Variants in FAM221B observed in about 807,000 individuals in gnomAD.
FAM221B encodes protein FAM221B.
In FAM221B, 35 loss-of-function variants were observed where a neutral mutation model predicts 39.8. The observed-to-expected ratio is 0.88, with a 90% CI of 0.67 to 1.17. The LOEUF (loss-of-function observed/expected upper bound fraction) is 1.17. FAM221B is among the 50% of genes most tolerant of loss of function. The probability of loss-of-function intolerance (pLI) is 0.00; values close to 1 mark genes in which losing one functional copy is unlikely to be tolerated. For missense variants in FAM221B, 479 were observed against 503.1 expected, an observed-to-expected ratio of 0.95 and a Z score of 0.46; for synonymous variants, 158 against 178.1, an observed-to-expected ratio of 0.89 and a Z score of 0.90.
chr9:35,822,490 C>T (rs1348760448), intron 3 of FAM221B, among the ~76,000 whole-genome samples: 2 of 152,180 alleles, frequency 1.3e-5, no homozygotes, highest in Non-Finnish European at 2.9e-5. Context: ...TCACTGCAAC[C>T]TCCACCTCCT....
Position 35,826,062 on chromosome 9 carries a change from G to C in FAM221B, c.100C>G (p.His34Asp). ...GGCTTCAAGAAGCTTTCAGAGATAT[G>C]GTTCTCCTGTAAGTCCTCAGCAGAG... ...DPSAEDLQEN[H>D]ISESFLKPST... Residue 34 changes from histidine to aspartate, a missense_variant, in exon 2 of 7, where the codon CAT (histidine) becomes GAT (aspartate). Transcript: ENST00000423537. The C allele has an allele frequency of 6.2e-7, 1 of 1,614,080 alleles. No individual in the cohort carries two copies.
At chr9:35,827,426 C>T (rs574737543) in intron 1 of FAM221B, among the ~76,000 whole-genome samples, 40 of 152,272 alleles carry the variant, frequency 2.6e-4, no homozygotes, top group African/African-American at 9.1e-4. Context: ...TTTACTGACC[C>T]GCTGTGCTAA....
rs1829053501 is a variant in FAM221B at position 35,817,979 on chromosome 9, T to C, written c.*490A>G. Reference sequence around the variant, plus strand: ...TTAGTCTACTGGCCTCTTCCCCTTTTCCTTCCTACAAAAGTACTTCCTTGA... The same window carrying C: ...TTAGTCTACTGGCCTCTTCCCCTTTCCCTTCCTACAAAAGTACTTCCTTGA... On this transcript the variant is annotated 3_prime_UTR_variant, in exon 7 of 7. Coordinates refer to ENST00000423537, the MANE Select transcript of FAM221B (RefSeq NM_001012446.4). 2 of 160,794 alleles carry C rather than the reference T, an allele frequency of 1.2e-5. No homozygotes were observed. The highest frequency in any genetic ancestry group is 4.8e-5 in the African/African-American group (2 of 41,500). The allele number at this position is 160,794 out of a possible 1,614,324, so 10.0% of individuals were successfully genotyped here.
chr9:35,819,482 A>G (rs1829095018), intron 4 of FAM221B, 88 bp from the exon 5 acceptor site: 1 of 1,172,208 alleles, frequency 8.5e-7, no homozygotes, highest in Admixed American at 2.7e-5. Flanking sequence ...ACCACCCCCT[A>G]TGCACGCAGA....
chr9:35,822,202 C>A (rs1829165774), intron 3 of FAM221B, among the ~76,000 whole-genome samples: 1 of 152,144 alleles, frequency 6.6e-6, no homozygotes, highest in Non-Finnish European at 1.5e-5. Context: ...TGGCTCTCAT[C>A]CTTTGTCCTC....
In FAM221B at chr9:35,825,552, T is replaced by C. The variant is rs773159548; in HGVS notation, c.598+12A>G. On this transcript the variant is annotated intron_variant, in intron 2 of 6. Transcript: ENST00000423537. This position sits in a 1 kb window ranked among gnomAD's most constrained non-coding sequence, Gnocchi z 4.2. ...CAATTACAGCTAACTCCTTTCTTCTTCTTCTTCTTGCCTAGTTGGTGTCCA... is the reference window on the plus strand; with the variant it reads ...CAATTACAGCTAACTCCTTTCTTCTCCTTCTTCTTGCCTAGTTGGTGTCCA... 7.5e-6 allele frequency: 12 copies of C among 1,603,540 alleles called. No homozygotes were observed. The highest frequency in any genetic ancestry group is 1.3e-5 in the African/African-American group (1 of 74,580).
intron 1 of FAM221B, 112 bp from the exon 2 acceptor site, chr9:35,826,273 G>T: frequency 1.3e-6 from 1 of 787,210 alleles, no homozygotes; most frequent in Non-Finnish European, 2.1e-6. Context: ...GGATATCAGT[G>T]CAGCTGAGAT....
At chr9:35,819,497 CT>C (rs879514713) in intron 4 of FAM221B, 103 bp from the exon 5 acceptor site, 159,551 of 774,924 alleles carry the variant, frequency 0.21, 1 homozygote, top group South Asian at 0.29. Context: ...CGCAGACATG[CT>C]TTTTTTTTTT....
In FAM221B at chr9:35,825,419, TAA is replaced by T. The variant is rs1829315613; in HGVS notation, c.599-48_599-47del. On this transcript the variant is annotated intron_variant, in intron 2 of 6. Transcript: ENST00000423537. This position sits in a 1 kb window ranked among gnomAD's most constrained non-coding sequence, Gnocchi z 4.2. ...TAACCAGGGGGAAGTGAGAAGGCCC[TAA>T]AACTAAGAGAAGGGGCCATGTCCAA... 1.9e-6 allele frequency: 3 copies of T among 1,611,314 alleles called. No homozygotes were observed. The highest frequency in any genetic ancestry group is 2.5e-6 in the Non-Finnish European group (3 of 1,179,062).
chr9:35,825,336 T>TA lies in FAM221B; in HGVS notation c.635_636insT (p.Glu213ArgfsTer7). On this transcript the variant is annotated frameshift_variant, in exon 3 of 7. Transcript: ENST00000423537. LOFTEE classifies it high-confidence loss of function. This position sits in a 1 kb window ranked among gnomAD's most constrained non-coding sequence, Gnocchi z 4.2. ...TTGCCTTAGCCACTTCCACCAGCTC[T>TA]GTCTGCCTAGCAGGGAACACTGGGC... 1 of 1,614,168 alleles carries TA rather than the reference T, an allele frequency of 6.2e-7. No homozygotes were observed. The highest frequency in any genetic ancestry group is 8.5e-7 in the Non-Finnish European group (1 of 1,179,970).
In FAM221B at chr9:35,818,934, A is replaced by G; in HGVS notation, c.1127T>C (p.Phe376Ser). The change falls in exon 6 of 7, where the codon TTC becomes TCC. Residue 376 changes from phenylalanine (F) to serine (S), a missense_variant. Physicochemically the swap from Phe to Ser is radical, Grantham distance 155 (BLOSUM62 -2). Transcript: ENST00000423537. ...CDRRWEEHETFFDTQKTRQRG... is the reference protein window; with the variant it reads ...CDRRWEEHETSFDTQKTRQRG... ...TTGCCGGGTCTTCTGGGTGTCAAAG[A>G]AAGTCTCGTGTTCCTCCCAGCGCCG... is the stretch of plus-strand genomic sequence containing the variant. 1 of 1,551,920 alleles carries G rather than the reference A, an allele frequency of 6.4e-7. No homozygotes were observed.
intron 3 of FAM221B, among the ~76,000 whole-genome samples, chr9:35,820,925 C>G (rs919331083): frequency 6.6e-6 from 1 of 152,190 alleles, no homozygotes; most frequent in Non-Finnish European, 1.5e-5. Context: ...TTTTCTCATT[C>G]TCCATGAGAA....
At chr9:35,824,160 C>A (rs1369932693) in intron 3 of FAM221B, among the ~76,000 whole-genome samples, 6 of 152,052 alleles carry the variant, frequency 3.9e-5, no homozygotes, top group Admixed American at 3.9e-4. Context: ...TAGCTCTATT[C>A]CCATCATAAA....
chr9:35,823,657 A>G (rs1588092609), intron 3 of FAM221B, among the ~76,000 whole-genome samples: 1 of 152,150 alleles, frequency 6.6e-6, no homozygotes, highest in Non-Finnish European at 1.5e-5. Flanking sequence ...GTAGGGGAAT[A>G]AGAGGACTGA....
chr9:35,822,742 C>T (rs184843414), intron 3 of FAM221B, among the ~76,000 whole-genome samples: 2 of 152,264 alleles, frequency 1.3e-5, no homozygotes, highest in East Asian at 3.9e-4. Flanking sequence ...CTTCTCTCCA[C>T]CTAAGCCCAT....
chr9:35,825,297 C>G lies in FAM221B; in HGVS notation c.675G>C (p.Glu225Asp), dbSNP rs781765144. Reference sequence around the variant, plus strand: ...AAAGATTGTTCACTTGAGCACCAAACTCCTCTCTATGCATTGCCTTAGCCA... The same window carrying G: ...AAAGATTGTTCACTTGAGCACCAAAGTCCTCTCTATGCATTGCCTTAGCCA... ...VEVAKAMHRE[E>D]FGAQVNNLFQ... Residue 225 changes from glutamate (E) to aspartate (D), a missense_variant, in exon 3 of 7, where the codon GAG becomes GAC. By Grantham distance (45) the Glu-to-Asp change is conservative (BLOSUM62 2). Coordinates refer to ENST00000423537, the MANE Select transcript of FAM221B (RefSeq NM_001012446.4). The surrounding 1 kb of genome is among the most constrained non-coding windows in gnomAD (Gnocchi z 4.2). 1 of 1,614,272 alleles carries G rather than the reference C, an allele frequency of 6.2e-7. No homozygotes were observed. The highest frequency in any genetic ancestry group is 1.3e-5 in the African/African-American group (1 of 75,070).
chr9:35,818,397 G>T lies in FAM221B; in HGVS notation c.*72C>A, dbSNP rs150993528. The stretch of plus-strand genomic sequence containing the variant: ...TATTAGGCAGTCTCTCCCTGGGCTG[G>T]GATCTACCTGCCCCATATAGAGCCA... On this transcript the variant is annotated 3_prime_UTR_variant, in exon 7 of 7. Coordinates refer to ENST00000423537, the MANE Select transcript of FAM221B (RefSeq NM_001012446.4). 1,089 of 1,398,282 alleles carry T rather than the reference G, an allele frequency of 7.8e-4. 2 individuals carry two copies. Among genetic ancestry groups the T allele is most frequent in the Non-Finnish European group, 1.0e-3 (1,056 of 1,007,692 alleles). 86.6% of individuals were successfully genotyped at this position (1,398,282 alleles called of 1,614,324 possible). A position where few individuals can be genotyped will look rare whatever the true frequency, so the allele number is the denominator to read the frequency against.
intron 3 of FAM221B, among the ~76,000 whole-genome samples, chr9:35,823,740 C>T (rs1829204581): frequency 6.6e-6 from 1 of 152,224 alleles, no homozygotes; most frequent in East Asian, 1.9e-4. Flanking sequence ...TCACGGCTCA[C>T]TGCAGCCTTG....
intron 5 of FAM221B, 84 bp from the exon 6 acceptor site, chr9:35,819,093 A>G: frequency 2.6e-6 from 4 of 1,540,128 alleles, no homozygotes; most frequent in Admixed American, 4.0e-5. Context: ...TTCCTCAGTG[A>G]CCGCATGCCC....
Sources: gnomAD v4.1 joint callset for allele counts (sites outside exome capture counted in the v4.1 genomes callset) on GRCh38, gnomAD v4.1.1 for gene constraint, Gnocchi (gnomAD v3.1) non-coding constraint, MANE v1.5 for transcripts, NCBI Gene and HGNC (gene_info 2026-07-23, HGNC 2026-07-21) for gene names.